The following RAB18 variants were observed in gnomAD, a reference collection of about 807,000 sequenced individuals.
RAB18 encodes ras-related protein Rab-18.
RAB18 carries 10 observed loss-of-function variants against 28.5 expected under a neutral mutation model. The observed-to-expected ratio is 0.35, with a 90% CI of 0.22 to 0.60. The LOEUF (loss-of-function observed/expected upper bound fraction) is 0.60, where lower values mean the gene tolerates loss of function less well. Ranked by LOEUF, RAB18 falls within the 20% of genes least tolerant of loss-of-function variation. RAB18 has a pLI of 0.78. For missense variants in RAB18, 188 were observed against 244.2 expected (o/e 0.77, Z 1.53); for synonymous variants, 93 against 86.9 (o/e 1.07, Z -0.39).
intron 2 of RAB18, among the ~76,000 whole-genome samples, chr10:27,513,235 A>G (rs1251047996): frequency 2.0e-5 from 3 of 151,878 alleles, no homozygotes; most frequent in African/African-American, 2.4e-5. Flanking sequence ...GGGTTTTACT[A>G]TATTGGCCAG....
intron 2 of RAB18, among the ~76,000 whole-genome samples, chr10:27,523,265 C>CTTTTTT (rs34006982): frequency 4.8e-3 from 381 of 79,342 alleles, no homozygotes; most frequent in Middle Eastern, 0.026. Context: ...TTTTCTTCTT[C>CTTTTTT]TTTTTTTTTT....
intron 2 of RAB18, among the ~76,000 whole-genome samples, chr10:27,514,773 GT>G (rs201643129): frequency 5.8e-4 from 85 of 146,208 alleles, no homozygotes; most frequent in African/African-American, 1.7e-3. Flanking sequence ...TTGTTTTTTT[GT>G]TTTTTTTTTT....
At chr10:27,517,581 TGAAAA>T (rs1834462935) in intron 2 of RAB18, among the ~76,000 whole-genome samples, 1 of 152,120 alleles carries the variant, frequency 6.6e-6, no homozygotes, top group South Asian at 2.1e-4. Context: ...AATCCTCAAT[TGAAAA>T]GAAGTAGAGG....
intron 2 of RAB18, among the ~76,000 whole-genome samples, chr10:27,515,957 T>C (rs530486045): frequency 1.3e-5 from 2 of 152,296 alleles, no homozygotes; most frequent in African/African-American, 4.8e-5. Flanking sequence ...CTTTTCATTA[T>C]CTGTGATCGT....
intron 2 of RAB18, among the ~76,000 whole-genome samples, chr10:27,521,183 T>C (rs112654605): frequency 1.3e-4 from 20 of 152,270 alleles, no homozygotes; most frequent in African/African-American, 4.8e-4. Context: ...TTTTAATATG[T>C]ATTAAGACTT....
chr10:27,514,927 T>C (rs2138983968), intron 2 of RAB18, among the ~76,000 whole-genome samples: 1 of 152,100 alleles, frequency 6.6e-6, no homozygotes, highest in South Asian at 2.1e-4. Context: ...CATGCCCGGG[T>C]GATCTTTGTA....
chr10:27,541,839 C>T lies in RAB18; in HGVS notation c.*3788C>T, dbSNP rs1253193741. On this transcript the variant is annotated 3_prime_UTR_variant, in exon 7 of 7. Transcript: ENST00000356940. ...TCCCACCATACCACCCCCACCCCCA[C>T]CCCTGCAAACAATTGGCATGTGGTT... The T allele has an allele frequency of 2.8e-6, 1 of 359,364 alleles. No homozygotes were observed. Among genetic ancestry groups the T allele is most frequent in the South Asian group, 1.6e-5 (1 of 61,622 alleles). 22.3% of individuals were successfully genotyped at this position (359,364 alleles called of 1,614,324 possible). A position where few individuals can be genotyped will look rare whatever the true frequency, so the allele number is the denominator to read the frequency against.
At chr10:27,509,077 T>C (rs1263444851) in intron 1 of RAB18, among the ~76,000 whole-genome samples, 1 of 152,220 alleles carries the variant, frequency 6.6e-6, no homozygotes, top group East Asian at 1.9e-4. Flanking sequence ...TAGAGTACCC[T>C]TCTAATCTGG....
intron 3 of RAB18, among the ~76,000 whole-genome samples, chr10:27,530,966 G>A (rs1207273986): frequency 2.0e-5 from 3 of 151,874 alleles, no homozygotes; most frequent in Admixed American, 2.0e-4. Flanking sequence ...AGTTCACTTT[G>A]CTTTAAACAG....
At chr10:27,531,520 T>G (rs1042403082) in intron 3 of RAB18, 5 of 1,532,042 alleles carry the variant, frequency 3.3e-6, no homozygotes, top group Non-Finnish European at 3.5e-6. Flanking sequence ...TACTTTTACT[T>G]TTCTTTAGGT....
chr10:27,542,178 T>TGA lies in RAB18; in HGVS notation c.*4130_*4131dup. Reference sequence around the variant, plus strand: ...CTTCTGGATCAAATTGGACCTGAATTGAGATCTATTTCTCAGCTTTCACTT... The same window carrying TGA: ...CTTCTGGATCAAATTGGACCTGAATTGAGAGATCTATTTCTCAGCTTTCACTT... On this transcript the variant is annotated 3_prime_UTR_variant, in exon 7 of 7. Coordinates refer to ENST00000356940, the MANE Select transcript of RAB18 (RefSeq NM_021252.5). 1 of 454,128 alleles carries TGA rather than the reference T, an allele frequency of 2.2e-6. No individual in the cohort carries two copies. The highest frequency in any genetic ancestry group is 4.4e-6 in the Non-Finnish European group (1 of 226,790). The allele number at this position is 454,128 out of a possible 1,614,324, so 28.1% of individuals were successfully genotyped here. A position where few individuals can be genotyped will look rare whatever the true frequency, so the allele number is the denominator to read the frequency against.
intron 2 of RAB18, among the ~76,000 whole-genome samples, chr10:27,517,693 A>C (rs771996043): frequency 2.6e-5 from 4 of 152,222 alleles, no homozygotes; most frequent in Non-Finnish European, 5.9e-5. Flanking sequence ...TTTTTTAAAA[A>C]ATTATACATT....
chr10:27,536,094 A>C (rs1010043802), intron 6 of RAB18, among the ~76,000 whole-genome samples: 22 of 150,848 alleles, frequency 1.5e-4, no homozygotes, highest in African/African-American at 4.1e-4. Flanking sequence ...AAAAAAAAAA[A>C]GAGAGCAATC....
intron 3 of RAB18, chr10:27,531,692 A>G (rs1834791573): frequency 1.4e-6 from 1 of 700,824 alleles, no homozygotes; most frequent in African/African-American, 1.8e-5. Flanking sequence ...GCTTTGTATA[A>G]TCTTAGGTAC....
chr10:27,539,806 A>G lies in RAB18; in HGVS notation c.*1755A>G, dbSNP rs1449648867. 2.2e-6 allele frequency: 1 copy of G among 452,938 alleles called. No individual in the cohort carries two copies. The highest frequency in any genetic ancestry group is 4.4e-6 in the Non-Finnish European group (1 of 226,478). 28.1% of individuals were successfully genotyped at this position (452,938 alleles called of 1,614,324 possible). ...ATTGTAACCTTTTTCTAGTTCTTGA[A>G]TAAATATAGCCTGCTTTCCCTAGAT... On this transcript the variant is annotated 3_prime_UTR_variant, in exon 7 of 7. Coordinates refer to ENST00000356940, the MANE Select transcript of RAB18 (RefSeq NM_021252.5).
At chr10:27,517,036 A>C (rs919617668) in intron 2 of RAB18, among the ~76,000 whole-genome samples, 1 of 152,144 alleles carries the variant, frequency 6.6e-6, no homozygotes, top group Non-Finnish European at 1.5e-5. Context: ...CAAACATAGA[A>C]GCTCTCTATA....
At chr10:27,512,292 AATT>A (rs1441118904) in intron 2 of RAB18, among the ~76,000 whole-genome samples, 1 of 151,236 alleles carries the variant, frequency 6.6e-6, no homozygotes, top group African/African-American at 2.4e-5. Flanking sequence ...TTATAATAAT[AATT>A]ATTATTATTT....
chr10:27,514,575 C>G (rs543379492), intron 2 of RAB18, among the ~76,000 whole-genome samples: 2 of 151,598 alleles, frequency 1.3e-5, no homozygotes, highest in South Asian at 2.1e-4. Context: ...TAGAATTTAC[C>G]AAAATTAATG....
intron 2 of RAB18, 119 bp downstream of exon 2, chr10:27,510,049 C>A (rs1367978986): frequency 2.6e-6 from 2 of 773,868 alleles, no homozygotes; most frequent in South Asian, 2.9e-5. Context: ...CTGTTGAAAT[C>A]TTATTTGTCC....
Sources: allele counts gnomAD v4.1 joint callset (sites outside exome capture counted in the v4.1 genomes callset), GRCh38; gene constraint gnomAD v4.1.1; transcripts MANE v1.5; gene names NCBI Gene and HGNC (gene_info 2026-07-23, HGNC 2026-07-21).